The following CPSF6 variants were observed in gnomAD, a reference collection of about 807,000 sequenced individuals.
CPSF6 encodes the protein cleavage and polyadenylation specific factor 6.
In CPSF6, 10 loss-of-function variants were observed where a neutral mutation model predicts 56.7. That is an observed-to-expected ratio of 0.18 (90% confidence interval 0.11 to 0.30). The LOEUF (loss-of-function observed/expected upper bound fraction) is 0.30. Among genes scored for constraint, CPSF6 ranks in the 10% least tolerant of loss-of-function variants. The pLI, the probability that CPSF6 is intolerant of heterozygous loss-of-function variation, is 1.00. For missense variants in CPSF6, 419 were observed against 722.9 expected (o/e 0.58, Z 4.82); for synonymous variants, 248 against 244.8 (o/e 1.01, Z -0.12).
intron 8 of CPSF6, among the ~76,000 whole-genome samples, chr12:69,261,524 C>G (rs777052569): frequency 2.6e-5 from 4 of 152,016 alleles, no homozygotes; most frequent in Non-Finnish European, 4.4e-5. Flanking sequence ...GTGATCATGT[C>G]CCTGCACTCC....
At chr12:69,248,444 G>A (rs2120467874) in intron 1 of CPSF6, among the ~76,000 whole-genome samples, 1 of 152,274 alleles carries the variant, frequency 6.6e-6, no homozygotes, top group African/African-American at 2.4e-5. Context: ...TTGCAAGAGA[G>A]TTTAAAGTGC....
chr12:69,249,835 TC>T (rs1215336151), intron 1 of CPSF6, among the ~76,000 whole-genome samples: 1 of 152,234 alleles, frequency 6.6e-6, no homozygotes, highest in Non-Finnish European at 1.5e-5. Flanking sequence ...TGTTTCTGTT[TC>T]ATTTTAGTTT....
intron 4 of CPSF6, among the ~76,000 whole-genome samples, chr12:69,257,209 C>T (rs566095897): frequency 7.2e-5 from 11 of 152,242 alleles, no homozygotes; most frequent in African/African-American, 2.6e-4. Flanking sequence ...CACTGATAAC[C>T]AGAAAATGTT....
In CPSF6 at chr12:69,257,642, T is replaced by C. The variant is rs2231695; in HGVS notation, c.521-90T>C. On this transcript the variant is annotated intron_variant, in intron 4 of 9. Transcript: ENST00000435070. ...CACAAGGCATTTGCAAGTTAATATA[T>C]TAGAAATAGAGTTGTTTTTAATAAT... The C allele has an allele frequency of 8.1e-5, 100 of 1,232,704 alleles. 1 individual carries two copies. The African/African-American group carries it at 1.4e-3, about 17-fold the overall frequency. 76.4% of individuals were successfully genotyped at this position (1,232,704 alleles called of 1,614,324 possible).
At chr12:69,240,510 G>C (rs1428413339) in intron 1 of CPSF6, among the ~76,000 whole-genome samples, 1 of 152,122 alleles carries the variant, frequency 6.6e-6, no homozygotes, top group Non-Finnish European at 1.5e-5. Flanking sequence ...AGTGGCCGGG[G>C]ACCAAAAGGA....
chr12:69,239,918 G>A (rs946580322), intron 1 of CPSF6, among the ~76,000 whole-genome samples: 92 of 149,434 alleles, frequency 6.2e-4, no homozygotes, highest in African/African-American at 2.0e-3. Context: ...GTCGCCGCGG[G>A]GCCCGGAGCG....
At chr12:69,247,048 A>G (rs1195603860) in intron 1 of CPSF6, among the ~76,000 whole-genome samples, 1 of 152,200 alleles carries the variant, frequency 6.6e-6, no homozygotes, top group East Asian at 1.9e-4. Context: ...GACAGCCAAC[A>G]AGTTCATCCC....
At chr12:69,250,365 A>G (rs1189491658) in intron 1 of CPSF6, among the ~76,000 whole-genome samples, 1 of 151,994 alleles carries the variant, frequency 6.6e-6, no homozygotes, top group Non-Finnish European at 1.5e-5. Flanking sequence ...GAGTATTTCC[A>G]AGGAAAGTTT....
rs1210933885 is a variant in CPSF6 at position 69,271,558 on chromosome 12, G to C, written c.*2050G>C. The C allele has an allele frequency of 6.6e-6, 1 of 151,348 alleles. No individual in the cohort carries two copies. Among genetic ancestry groups the C allele is most frequent in the Non-Finnish European group, 1.5e-5 (1 of 67,592 alleles). 9.4% of individuals were successfully genotyped at this position (151,348 alleles called of 1,614,324 possible). On this transcript the variant is annotated 3_prime_UTR_variant, in exon 10 of 10. Transcript: ENST00000435070. ...ATTTTATCAATGGAACCTTTTAATT[G>C]CTCCTTCTATATCACTCTTCTCCTT...
Position 69,258,210 on chromosome 12 carries a change from T to TA in CPSF6, c.694+306dup. ...AATATTTACATCCGTCTTACTTTCT[T>TA]ACCTCTTAAAAAAATCCTTTCAAGA... On this transcript the variant is annotated intron_variant, in intron 5 of 9. Coordinates refer to ENST00000435070, the MANE Select transcript of CPSF6 (RefSeq NM_007007.3). This position sits in a 1 kb window ranked among gnomAD's most constrained non-coding sequence, Gnocchi z 4.2. The TA allele has an allele frequency of 1.1e-6, 1 of 918,994 alleles. No individual in the cohort carries two copies. The highest frequency in any genetic ancestry group is 2.6e-5 in the Admixed American group (1 of 37,772). 56.9% of individuals were successfully genotyped at this position (918,994 alleles called of 1,614,324 possible). A position where few individuals can be genotyped will look rare whatever the true frequency, so the allele number is the denominator to read the frequency against.
chr12:69,239,996 TGGC>T (rs1015530320), intron 1 of CPSF6, among the ~76,000 whole-genome samples: 3 of 151,114 alleles, frequency 2.0e-5, no homozygotes, highest in African/African-American at 7.3e-5. Context: ...TCCCTATTGT[TGGC>T]GGCACCCGGC....
intron 9 of CPSF6, among the ~76,000 whole-genome samples, chr12:69,266,782 TAA>T (rs936518978): frequency 1.2e-4 from 19 of 152,264 alleles, no homozygotes; most frequent in African/African-American, 4.6e-4. Flanking sequence ...TGAATGTGAT[TAA>T]GTTTATTTCT....
At chr12:69,262,063 C>A (rs1872765260) in intron 8 of CPSF6, among the ~76,000 whole-genome samples, 1 of 152,046 alleles carries the variant, frequency 6.6e-6, no homozygotes, top group Non-Finnish European at 1.5e-5. Flanking sequence ...GAAATTTTCC[C>A]TTTACCTTTC....
At position 69,270,130 on chromosome 12, in the gene CPSF6, TG is replaced by T. The variant is rs1041081170; in HGVS notation, c.*623del. ...TTAAACATAGTAATTAAGTGTCTTT[TG>T]CCCTTGATTTTGATATTAGAATAGG... On this transcript the variant is annotated 3_prime_UTR_variant, in exon 10 of 10. Transcript: ENST00000435070. The T allele has an allele frequency of 1.3e-5, 2 of 152,226 alleles. No individual in the cohort carries two copies. The highest frequency in any genetic ancestry group is 4.8e-5 in the African/African-American group (2 of 41,426). 9.4% of individuals were successfully genotyped at this position (152,226 alleles called of 1,614,324 possible).
chr12:69,257,897 CT>C lies in CPSF6; in HGVS notation c.690del (p.Pro231GlnfsTer11). 1 of 1,595,204 alleles carries C rather than the reference CT, an allele frequency of 6.3e-7. No individual in the cohort carries two copies. Among genetic ancestry groups the C allele is most frequent in the Non-Finnish European group, 8.5e-7 (1 of 1,173,316 alleles). ...GPAGPGGPPP[P>X]FPAGQTPPRP... ...GCAGGACCAGGAGGGCCACCCCCACCTTTTCCAGGTAAAACTTTTCTTAAAT... is the reference window on the plus strand; with the variant it reads ...GCAGGACCAGGAGGGCCACCCCCACCTTTCCAGGTAAAACTTTTCTTAAAT... On this transcript the variant is annotated frameshift_variant, in exon 5 of 10. Transcript: ENST00000435070. LOFTEE classifies it high-confidence loss of function.
chr12:69,251,749 TTG>T (rs1308233505), intron 2 of CPSF6, among the ~76,000 whole-genome samples: 9 of 152,294 alleles, frequency 5.9e-5, no homozygotes, highest in African/African-American at 1.9e-4. Context: ...ATTATTTAAT[TTG>T]TGTTACAAAT....
chr12:69,251,024 C>T, intron 1 of CPSF6, 105 bp from the exon 2 acceptor site: 2 of 1,133,562 alleles, frequency 1.8e-6, no homozygotes, highest in Non-Finnish European at 2.5e-6. Context: ...AATCCTTGGC[C>T]TTTTTCCATC....
chr12:69,241,731 T>C (rs1871633797), intron 1 of CPSF6, among the ~76,000 whole-genome samples: 1 of 152,206 alleles, frequency 6.6e-6, no homozygotes, highest in Non-Finnish European at 1.5e-5. Flanking sequence ...ATGATTTGTA[T>C]AAGGTACCTA....
chr12:69,260,854 C>A (rs970503054), intron 8 of CPSF6, among the ~76,000 whole-genome samples: 2 of 152,116 alleles, frequency 1.3e-5, no homozygotes, highest in African/African-American at 4.8e-5. Flanking sequence ...CTCAAGTAAT[C>A]CTCTCAGCTT....
Sources: gnomAD v4.1 joint callset for allele counts (sites outside exome capture counted in the v4.1 genomes callset) on GRCh38, gnomAD v4.1.1 for gene constraint, Gnocchi (gnomAD v3.1) non-coding constraint, MANE v1.5 for transcripts, NCBI Gene and HGNC (gene_info 2026-07-23, HGNC 2026-07-21) for gene names.